ANK1: variants seen among roughly 807,000 people sequenced by gnomAD.
The protein encoded by ANK1 is ankyrin 1.
In ANK1, 51 loss-of-function variants were observed where a neutral mutation model predicts 210.4. The ratio of observed to expected loss-of-function variants is 0.24; its 90% CI spans 0.19 to 0.31. The LOEUF (loss-of-function observed/expected upper bound fraction) is 0.31, where lower values mean the gene tolerates loss of function less well. Ranked by LOEUF, ANK1 falls within the 10% of genes least tolerant of loss-of-function variation. The probability of loss-of-function intolerance (pLI) is 1.00; values close to 1 mark genes in which losing one functional copy is unlikely to be tolerated. For synonymous variants in ANK1, 967 were observed against 1,025.9 expected (o/e 0.94, Z 1.10); for missense variants, 2,051 against 2,504.4 (o/e 0.82, Z 3.86).
intron 42 of ANK1, among the ~76,000 whole-genome samples, chr8:41,659,933 C>T (rs1249193582): frequency 6.6e-6 from 1 of 152,128 alleles, no homozygotes; most frequent in Admixed American, 6.5e-5. Context: ...GCCTCTCTCC[C>T]ACTCAGGAGC....
chr8:41,799,186 TG>T (rs1467420588), upstream of ANK1, among the ~76,000 whole-genome samples: 3 of 152,110 alleles, frequency 2.0e-5, no homozygotes, highest in East Asian at 5.8e-4. Flanking sequence ...TGTTGTTGTT[TG>T]TTTGTTTTGA....
At chr8:41,674,302 T>C (rs747346423) in intron 37 of ANK1, among the ~76,000 whole-genome samples, 1 of 152,102 alleles carries the variant, frequency 6.6e-6, no homozygotes. Context: ...CAAACACACA[T>C]GCACACACAC....
chr8:41,665,053 G>A (rs1373774145), intron 39 of ANK1: 1 of 1,609,392 alleles, frequency 6.2e-7, no homozygotes, highest in Non-Finnish European at 8.5e-7. Flanking sequence ...CGGTCCTCTG[G>A]CAGCCAGGGC....
intron 1 of ANK1, among the ~76,000 whole-genome samples, chr8:41,838,595 G>T (rs72502210): frequency 6.6e-6 from 1 of 151,554 alleles, no homozygotes; most frequent in Admixed American, 6.6e-5. Context: ...GTGAAACCCC[G>T]TCTCTAGTAA....
At chr8:41,799,004 G>A (rs1397502723), upstream of ANK1, among the ~76,000 whole-genome samples, 3 of 151,866 alleles carry the variant, frequency 2.0e-5, no homozygotes, top group East Asian at 3.9e-4. Context: ...CAGCTGGAGC[G>A]CACCCCATGG....
chr8:41,702,400 C>T (rs1410878803), intron 20 of ANK1, among the ~76,000 whole-genome samples: 1 of 152,058 alleles, frequency 6.6e-6, no homozygotes, highest in Non-Finnish European at 1.5e-5. Context: ...AGTGTGGGGC[C>T]TTGCAACCCA....
Position 41,661,137 on chromosome 8 carries a change from A to T in ANK1, c.*36+293T>A, listed in dbSNP as rs3736218. ...GCAATCCTTTTGCCTCGACCTCACA[A>T]AATGCTGGGATTACAGACATGAGCC... On this transcript the variant is annotated intron_variant, in intron 42 of 42. Coordinates refer to ENST00000289734, the MANE Select transcript of ANK1 (RefSeq NM_000037.4). 362 of 434,570 alleles carry T rather than the reference A, an allele frequency of 8.3e-4. 4 individuals are homozygous for T. The East Asian group carries it at 0.018, about 21-fold the overall frequency. 26.9% of individuals were successfully genotyped at this position (434,570 alleles called of 1,614,324 possible).
chr8:41,702,115 C>T lies in ANK1; in HGVS notation c.2325G>A (p.Lys775=), dbSNP rs199560931. 6.2e-7 allele frequency: 1 copy of T among 1,614,196 alleles called. No homozygotes were observed. Among genetic ancestry groups the T allele is most frequent in the Admixed American group, 1.7e-5 (1 of 60,026 alleles). ...SDGTTPLAIA[K]RLGYISVTDV... ...CGGTGACAGAAATGTAGCCCAAGCG[C>T]TTGGCTATGGCCAGAGGTGTGGTTC... The change falls in exon 21 of 43, where the codon AAG becomes AAA. Residue 775 remains lysine (K), a synonymous_variant. Transcript: ENST00000289734.
intron 1 of ANK1, among the ~76,000 whole-genome samples, chr8:41,875,864 G>A (rs925926667): frequency 5.9e-5 from 9 of 152,176 alleles, no homozygotes; most frequent in Non-Finnish European, 1.5e-5. Flanking sequence ...CTGGGAAGCA[G>A]CCGGCACGAG....
intron 21 of ANK1, 40 bp downstream of exon 21, chr8:41,702,012 G>A: frequency 6.3e-7 from 1 of 1,574,866 alleles, no homozygotes; most frequent in Non-Finnish European, 8.7e-7. Context: ...GCGCCAGGCT[G>A]AGTGTGTCTG....
chr8:41,753,783 T>C (rs1838378756), intron 2 of ANK1, among the ~76,000 whole-genome samples: 1 of 148,184 alleles, frequency 6.7e-6, no homozygotes, highest in African/African-American at 2.5e-5. Context: ...CGCCCCTACC[T>C]GTAAGCTCCA....
At chr8:41,656,689 G>A (rs1192380321) in intron 42 of ANK1, among the ~76,000 whole-genome samples, 1 of 152,214 alleles carries the variant, frequency 6.6e-6, no homozygotes, top group Non-Finnish European at 1.5e-5. Flanking sequence ...TGGGCAGGGT[G>A]GGAAGTGACA....
chr8:41,668,224 G>T, intron 39 of ANK1, 43 bp downstream of exon 39: 2 of 1,613,184 alleles, frequency 1.2e-6, no homozygotes, highest in African/African-American at 2.7e-5. Context: ...CCCTTCCGAT[G>T]CTGGGAAGGA....
At chr8:41,800,724 A>AT (rs1367642486), upstream of ANK1, among the ~76,000 whole-genome samples, 1 of 151,704 alleles carries the variant, frequency 6.6e-6, no homozygotes, top group Non-Finnish European at 1.5e-5. Flanking sequence ...TGGTTGTATG[A>AT]TTTTTGTTTG....
chr8:41,792,281 T>C (rs1224989044), intron 1 of ANK1, among the ~76,000 whole-genome samples: 5 of 152,232 alleles, frequency 3.3e-5, no homozygotes, highest in Non-Finnish European at 7.3e-5. Flanking sequence ...ACACTTGCCC[T>C]GAGAGGGCTG....
chr8:41,700,353 T>C, intron 22 of ANK1: 1 of 1,436,150 alleles, frequency 7.0e-7, no homozygotes, highest in Non-Finnish European at 9.8e-7. Context: ...CAGGAATGGA[T>C]TAGTGAGCAT....
chr8:41,887,674 T>C (rs1018544791), intron 1 of ANK1, among the ~76,000 whole-genome samples: 2 of 152,194 alleles, frequency 1.3e-5, no homozygotes, highest in African/African-American at 4.8e-5. Flanking sequence ...TCTGATGACA[T>C]GTTACTTGGC....
intron 23 of ANK1, 36 bp downstream of exon 23, chr8:41,699,416 G>T (rs764362449): frequency 2.0e-5 from 32 of 1,595,962 alleles, no homozygotes; most frequent in Admixed American, 6.7e-5. Flanking sequence ...GTTGCATCTC[G>T]GCACCCCCGG....
chr8:41,745,621 G>A (rs1835922760), intron 2 of ANK1, among the ~76,000 whole-genome samples: 1 of 152,136 alleles, frequency 6.6e-6, no homozygotes, highest in Admixed American at 6.5e-5. Context: ...GTAGGGGACA[G>A]GTGGCCCGCT....
Sources: allele counts gnomAD v4.1 joint callset (sites outside exome capture counted in the v4.1 genomes callset), GRCh38; gene constraint gnomAD v4.1.1; transcripts MANE v1.5; gene names NCBI Gene and HGNC (gene_info 2026-07-23, HGNC 2026-07-21).